Variants in SCARA3 observed in about 807,000 individuals in gnomAD.
SCARA3 encodes scavenger receptor class A member 3, also known as cellular stress response gene protein.
In SCARA3, 39 loss-of-function variants were observed where a neutral mutation model predicts 47.0. That is an observed-to-expected ratio of 0.83 (90% CI 0.64 to 1.08). The LOEUF is 1.08. Ranked by LOEUF, SCARA3 falls within the 50% of genes least tolerant of loss-of-function variation. The pLI is 0.00. For missense variants in SCARA3, 724 were observed against 792.3 expected (o/e 0.91, Z 1.04); for synonymous variants, 356 against 334.1 (o/e 1.07, Z -0.71).
At chr8:27,723,313 C>T in the SCARA3 span, among the ~76,000 whole-genome samples, 2 of 152,174 alleles carry the variant, frequency 1.3e-5, no homozygotes, top group Non-Finnish European at 2.9e-5. Context: ...TCCTTGGCTC[C>T]GAATTGGCAG....
chr8:27,658,938 G>T lies in SCARA3; in HGVS notation c.768G>T (p.Gln256His). ...LTLQKIVTDW[Q>H]NYTRLFSGLR... ...TCCAGAAGATTGTCACCGACTGGCA[G>T]AACTACACACGGCTCTTCAGCGGCC... The change falls in exon 5 of 6, where the codon CAG becomes CAT. Residue 256 changes from glutamine (Q) to histidine (H), a missense_variant. Transcript: ENST00000301904. 1 of 1,614,156 alleles carries T rather than the reference G, an allele frequency of 6.2e-7. No homozygotes were observed. The highest frequency in any genetic ancestry group is 8.5e-7 in the Non-Finnish European group (1 of 1,180,030).
chr8:27,721,383 A>G, the SCARA3 span, among the ~76,000 whole-genome samples: 1 of 152,192 alleles, frequency 6.6e-6, no homozygotes, highest in Admixed American at 6.5e-5. Flanking sequence ...AGTAACAAAC[A>G]TTTCAGGTCT....
chr8:27,646,222 CT>C (rs1180448422), intron 1 of SCARA3, among the ~76,000 whole-genome samples: 1 of 152,076 alleles, frequency 6.6e-6, no homozygotes, highest in Non-Finnish European at 1.5e-5. Context: ...CGTGGTCCCC[CT>C]AGTCTAGAGA....
chr8:27,673,183 G>A (rs780876601), downstream of SCARA3, among the ~76,000 whole-genome samples: 5 of 152,236 alleles, frequency 3.3e-5, no homozygotes, highest in Non-Finnish European at 7.3e-5. Context: ...GTTCGGCCAG[G>A]GACCAAGAGC....
chr8:27,705,040 C>T, the SCARA3 span, among the ~76,000 whole-genome samples: 3 of 152,322 alleles, frequency 2.0e-5, no homozygotes, highest in South Asian at 4.1e-4. Context: ...CAAAACGGAA[C>T]TCACACCACA....
rs1047318214 is a variant in SCARA3, at chr8:27,649,780, C to A, written c.86C>A (p.Thr29Asn). Residue 29 changes from threonine to asparagine, a missense_variant, in exon 2 of 6, where the codon ACC becomes AAC. Thr to Asn is a moderately conservative substitution (Grantham distance 65). Transcript: ENST00000301904. ...GCGGGTGACGACGAGGACATGCCGACCTTCCCATGCACCCAGAAGGGTAAG... is the reference window on the plus strand; with the variant it reads ...GCGGGTGACGACGAGGACATGCCGAACTTCCCATGCACCCAGAAGGGTAAG... ...DLAGDDEDMP[T>N]FPCTQKGRPG... is the part of the protein sequence containing the mutation. 25 of 1,613,936 alleles carry A rather than the reference C, an allele frequency of 1.5e-5. No homozygotes were observed. Among genetic ancestry groups the A allele is most frequent in the Non-Finnish European group, 1.9e-5 (23 of 1,179,976 alleles).
the SCARA3 span, among the ~76,000 whole-genome samples, chr8:27,730,773 A>G: frequency 6.6e-6 from 1 of 151,908 alleles, no homozygotes; most frequent in Non-Finnish European, 1.5e-5. Context: ...TACAGGCATG[A>G]GTCCACTGCC....
the SCARA3 span, among the ~76,000 whole-genome samples, chr8:27,700,180 C>T: frequency 1.3e-5 from 2 of 151,456 alleles, no homozygotes; most frequent in Non-Finnish European, 2.9e-5. Flanking sequence ...AAATTAAAAC[C>T]CTCTATTCTT....
the SCARA3 span, chr8:27,733,178 T>C: frequency 6.6e-6 from 1 of 152,208 alleles, no homozygotes; most frequent in Non-Finnish European, 1.5e-5. Context: ...GCTGTGACTG[T>C]GTGAAGGGCA....
chr8:27,668,109 C>T (rs1585296199), intron 5 of SCARA3, among the ~76,000 whole-genome samples: 1 of 152,254 alleles, frequency 6.6e-6, no homozygotes, highest in East Asian at 1.9e-4. Context: ...CATAAACATC[C>T]ACCAGGAGCA....
chr8:27,633,707 GC>G (rs1327919956), upstream of SCARA3, among the ~76,000 whole-genome samples: 75 of 152,030 alleles, frequency 4.9e-4, 1 homozygote, highest in African/African-American at 1.8e-3. Context: ...TAGGCGGGGC[GC>G]GGGGCCCCCG....
At chr8:27,714,728 C>T in the SCARA3 span, among the ~76,000 whole-genome samples, 8 of 152,182 alleles carry the variant, frequency 5.3e-5, no homozygotes, top group African/African-American at 1.9e-4. Flanking sequence ...ATTCTGTTTT[C>T]TCCCTTTCTG....
intron 1 of SCARA3, among the ~76,000 whole-genome samples, chr8:27,646,284 G>A (rs961106090): frequency 5.3e-5 from 8 of 152,170 alleles, no homozygotes; most frequent in African/African-American, 1.7e-4. Context: ...TGGGTCACTC[G>A]GTGCGTTACT....
At chr8:27,707,157 A>G in the SCARA3 span, among the ~76,000 whole-genome samples, 1 of 152,168 alleles carries the variant, frequency 6.6e-6, no homozygotes, top group African/African-American at 2.4e-5. Flanking sequence ...CTTTTGTCCT[A>G]CCTGCTGATG....
At chr8:27,697,431 G>C in the SCARA3 span, 1 of 153,508 alleles carries the variant, frequency 6.5e-6, no homozygotes. Flanking sequence ...TAGGGGAAAT[G>C]GAGCTGAACA....
intron 2 of SCARA3, among the ~76,000 whole-genome samples, chr8:27,650,350 A>G (rs1226770204): frequency 6.6e-6 from 1 of 152,102 alleles, no homozygotes; most frequent in African/African-American, 2.4e-5. Context: ...CCCGAGACCC[A>G]TCAGGGACTT....
chr8:27,649,549 G>A (rs35893348), intron 1 of SCARA3, among the ~76,000 whole-genome samples, 153 bp from the exon 2 acceptor site: 3 of 152,188 alleles, frequency 2.0e-5, no homozygotes, highest in Non-Finnish European at 4.4e-5. Context: ...TCTTATGTCC[G>A]CTCCCTTTTT....
rs377117460 is a variant in SCARA3 at position 27,672,992 on chromosome 8, T to C, written c.*1641T>C. 19 of 985,444 alleles carry C rather than the reference T, an allele frequency of 1.9e-5. No individual in the cohort carries two copies. The African/African-American group carries it at 2.6e-4, about 14-fold the overall frequency. 61.0% of individuals were successfully genotyped at this position (985,444 alleles called of 1,614,324 possible). ...ATAATACCATTCTGCATAGTATTAC[T>C]GACTCAGTAAAGAGCTATTTCCAGG... On this transcript the variant is annotated 3_prime_UTR_variant, in exon 6 of 6. Transcript: ENST00000301904.
chr8:27,712,327 G>A, the SCARA3 span, among the ~76,000 whole-genome samples: 1 of 152,084 alleles, frequency 6.6e-6, no homozygotes. Context: ...ACTTTGGGAG[G>A]CCGAGGCGGG....
Sources: allele counts gnomAD v4.1 joint callset (sites outside exome capture counted in the v4.1 genomes callset), GRCh38; gene constraint gnomAD v4.1.1; transcripts MANE v1.5; gene names NCBI Gene and HGNC (gene_info 2026-07-23, HGNC 2026-07-21).